The following USP7 variants were observed in gnomAD, a reference collection of about 807,000 sequenced individuals.
USP7 encodes the protein ubiquitin specific peptidase 7.
In USP7, 9 loss-of-function variants were observed where a neutral mutation model predicts 162.9. That is an observed-to-expected ratio of 0.06 (90% confidence interval 0.03 to 0.10). The LOEUF is 0.10. Ranked by LOEUF, USP7 falls within the 10% of genes least tolerant of loss-of-function variation. The pLI is 1.00. For missense variants in USP7, 715 were observed against 1,373.7 expected (o/e 0.52, Z 7.58); for synonymous variants, 562 against 475.9 (o/e 1.18, Z -2.35).
chr16:8,939,132 C>T lies in USP7; in HGVS notation c.80-8735G>A, dbSNP rs542345122. The stretch of plus-strand genomic sequence containing the variant: ...ATTTCTCCACATTTACATGTACTTA[C>T]GTGTATTTAGTTCTCTACAATTTTA... On this transcript the variant is annotated intron_variant, in intron 1 of 30. Coordinates refer to ENST00000344836, the MANE Select transcript of USP7 (RefSeq NM_003470.3). Among the ~76,000 whole-genome samples the T allele has an allele frequency of 6.8e-4, 103 of 152,320 alleles. No homozygotes were observed. In the South Asian group the frequency reaches 0.011, roughly 16 times the overall value.
rs1262966173 is a variant in USP7 at position 8,903,333 on chromosome 16, T to C, written c.1774A>G (p.Thr592Ala). 7 of 1,614,174 alleles carry C rather than the reference T, an allele frequency of 4.3e-6. No homozygotes were observed. The highest frequency in any genetic ancestry group is 5.1e-6 in the Non-Finnish European group (6 of 1,180,024). The change falls in exon 16 of 31, where the codon ACT (threonine) becomes GCT (alanine). Residue 592 changes from threonine (T) to alanine (A), a missense_variant. Physicochemically the swap from Thr to Ala is moderately conservative, Grantham distance 58 (BLOSUM62 0). Coordinates refer to ENST00000344836, the MANE Select transcript of USP7 (RefSeq NM_003470.3). ...DMYDEEKVKY[T>A]VFKVLKNSSL... ...GAGTTCTTCAATACTTTGAACACAG[T>C]GTATTTCACTTTTTCTTCATCGTAC...
chr16:8,956,656 G>A (rs28727382), intron 1 of USP7, among the ~76,000 whole-genome samples: 3 of 151,966 alleles, frequency 2.0e-5, no homozygotes, highest in Non-Finnish European at 2.9e-5. Context: ...CCAGCTACTC[G>A]GGAGGCTGAG....
chr16:8,959,356 C>CAAA (rs34434646), intron 1 of USP7, among the ~76,000 whole-genome samples: 18 of 142,540 alleles, frequency 1.3e-4, no homozygotes, highest in Middle Eastern at 3.7e-3. Flanking sequence ...AACACTAATT[C>CAAA]AAAAAAAAAA....
Position 8,923,417 on chromosome 16 carries a change from C to CA in USP7, c.185-5dup, listed in dbSNP as rs545027704. 5.2e-4 allele frequency: 827 copies of CA among 1,602,670 alleles called. No individual in the cohort carries two copies. The highest frequency in any genetic ancestry group is 1.1e-3 in the Admixed American group (62 of 57,418). ...GCCTCGGAGCGCCAACTGGTGTCTGCAAAAAAAACACATCATCAGTCACAG... is the reference window on the plus strand; with the variant it reads ...GCCTCGGAGCGCCAACTGGTGTCTGCAAAAAAAAACACATCATCAGTCACAG... On this transcript the variant is annotated splice_region_variant and splice_polypyrimidine_tract_variant and intron_variant, in intron 2 of 30. Coordinates refer to ENST00000344836, the MANE Select transcript of USP7 (RefSeq NM_003470.3).
At chr16:8,939,456 T>C (rs1311999172) in intron 1 of USP7, among the ~76,000 whole-genome samples, 2 of 152,236 alleles carry the variant, frequency 1.3e-5, no homozygotes, top group Non-Finnish European at 2.9e-5. Context: ...CCTTTCCAGA[T>C]AGAGGAAATT....
At chr16:8,910,859 T>C in intron 10 of USP7, 32 bp from the exon 11 acceptor site, 19 of 1,565,864 alleles carry the variant, frequency 1.2e-5, no homozygotes, top group Non-Finnish European at 1.7e-5. Context: ...AGTCAAGTGC[T>C]AAAGCTTCAT....
chr16:8,895,839 G>GTT (rs34586799), intron 26 of USP7, 98 bp from the exon 27 acceptor site: 664 of 538,394 alleles, frequency 1.2e-3, no homozygotes, highest in Middle Eastern at 2.3e-3. Context: ...ACCACGATAT[G>GTT]TTTTTTTTTT....
chr16:8,916,870 C>G (rs1284284293), intron 7 of USP7, among the ~76,000 whole-genome samples, 156 bp downstream of exon 7: 2 of 150,364 alleles, frequency 1.3e-5, no homozygotes, highest in African/African-American at 2.5e-5. Context: ...AAACAAAATA[C>G]AATGATAAAA....
At chr16:8,936,081 C>T (rs1422489426) in intron 1 of USP7, among the ~76,000 whole-genome samples, 1 of 152,094 alleles carries the variant, frequency 6.6e-6, no homozygotes, top group African/African-American at 2.4e-5. Flanking sequence ...ACAATACAAC[C>T]CTGGTGTGTT....
At chr16:8,897,530 TG>T (rs2061702279) in intron 25 of USP7, among the ~76,000 whole-genome samples, 1 of 151,222 alleles carries the variant, frequency 6.6e-6, no homozygotes, top group Non-Finnish European at 1.5e-5. Flanking sequence ...CCTCTATACT[TG>T]TAGAGCTAGA....
At chr16:8,897,835 G>A (rs2061713182) in intron 25 of USP7, among the ~76,000 whole-genome samples, 1 of 148,944 alleles carries the variant, frequency 6.7e-6, no homozygotes, top group Non-Finnish European at 1.5e-5. Context: ...GGAGGTCTAC[G>A]CTGTCGTGGG....
At chr16:8,930,433 A>G in intron 1 of USP7, 36 bp from the exon 2 acceptor site, 1 of 1,523,668 alleles carries the variant, frequency 6.6e-7, no homozygotes, top group Non-Finnish European at 9.0e-7. Context: ...CGGGTTTTAC[A>G]TTCATGGCTT....
Position 8,902,176 on chromosome 16 carries a change from G to C in USP7, c.1953C>G (p.Leu651=), listed in dbSNP as rs772674228. The C allele has an allele frequency of 8.7e-6, 14 of 1,614,152 alleles. No individual in the cohort carries two copies. Among genetic ancestry groups the C allele is most frequent in the Non-Finnish European group, 1.2e-5 (14 of 1,180,012 alleles). Residue 651 remains leucine (L), a synonymous_variant, in exon 18 of 31, where the codon CTC becomes CTG. Transcript: ENST00000344836. The part of the protein sequence containing the change: ...EADGNKTMIE[L]SDNENPWTIF... ...TTGTCCAAGGGTTTTCATTATCACTGAGCTCAATCATCTATTTCCAAAAGA... is the reference window on the plus strand; with the variant it reads ...TTGTCCAAGGGTTTTCATTATCACTCAGCTCAATCATCTATTTCCAAAAGA...
At chr16:8,894,361 G>T (rs1161319790) in intron 30 of USP7, among the ~76,000 whole-genome samples, 189 bp downstream of exon 30, 2 of 152,168 alleles carry the variant, frequency 1.3e-5, no homozygotes, top group Non-Finnish European at 2.9e-5. Flanking sequence ...AGATCTCACA[G>T]GTTACAAAGG....
chr16:8,904,465 C>A lies in USP7; in HGVS notation c.1674G>T (p.Arg558=). The change falls in exon 15 of 31, where the codon CGG becomes CGT. Residue 558 remains arginine (R), a synonymous_variant. Coordinates refer to ENST00000344836, the MANE Select transcript of USP7 (RefSeq NM_003470.3). ...CTTGCATATAGAGATGGGCTTCCTG[C>A]CGCTCCTTCCGCTTCTGAGCCTCGA... ...KRIEAQKRKE[R]QEAHLYMQVQ... The A allele has an allele frequency of 6.2e-7, 1 of 1,614,072 alleles. No individual in the cohort carries two copies. The highest frequency in any genetic ancestry group is 1.1e-5 in the South Asian group (1 of 91,078).
At chr16:8,921,641 T>C (rs1305899832) in intron 3 of USP7, among the ~76,000 whole-genome samples, 10 of 152,194 alleles carry the variant, frequency 6.6e-5, no homozygotes. Context: ...CTACAGCCCT[T>C]CAGTGCCATG....
intron 8 of USP7, 124 bp downstream of exon 8, chr16:8,916,376 TAA>T (rs1325426694): frequency 5.0e-6 from 5 of 1,009,302 alleles, no homozygotes; most frequent in Middle Eastern, 2.6e-4. Context: ...TTTTGTAGCC[TAA>T]GTCTGATCCT....
chr16:8,961,504 A>AAGGGGGGG (rs558975663), intron 1 of USP7, among the ~76,000 whole-genome samples: 1 of 60,562 alleles, frequency 1.7e-5, no homozygotes, highest in Non-Finnish European at 3.1e-5. Context: ...AAAAAAAAAA[A>AAGGGGGGG]GGGGGGGGGG....
At chr16:8,937,242 G>A (rs1898794676) in intron 1 of USP7, among the ~76,000 whole-genome samples, 1 of 151,860 alleles carries the variant, frequency 6.6e-6, no homozygotes. Flanking sequence ...ACGAAACAAC[G>A]TGTATAAGAC....
Sources: allele counts gnomAD v4.1 joint callset (sites outside exome capture counted in the v4.1 genomes callset), GRCh38; gene constraint gnomAD v4.1.1; transcripts MANE v1.5; gene names NCBI Gene and HGNC (gene_info 2026-07-23, HGNC 2026-07-21).